Variants in CACNG3 observed in about 807,000 individuals in gnomAD.
The protein encoded by CACNG3 is voltage-dependent calcium channel gamma-3 subunit.
In CACNG3, 3 loss-of-function variants were observed where a neutral mutation model predicts 28.5. The observed-to-expected ratio is 0.11, with a 90% CI of 0.05 to 0.27. CACNG3 has a LOEUF of 0.27. Among genes scored for constraint, CACNG3 ranks in the 10% least tolerant of loss-of-function variants. The pLI is 1.00. For missense variants in CACNG3, 236 were observed against 414.4 expected (o/e 0.57, Z 3.74); for synonymous variants, 174 against 162.2 (o/e 1.07, Z -0.55).
intron 1 of CACNG3, among the ~76,000 whole-genome samples, chr16:24,323,237 AAAAGAGAGAGAGAG>A (rs959968642): frequency 7.0e-6 from 1 of 143,702 alleles, no homozygotes; most frequent in South Asian, 2.4e-4. Flanking sequence ...AAAAAAAAAA[AAAAGAGAGAGAGAG>A]AAAGAGAGAG....
intron 1 of CACNG3, among the ~76,000 whole-genome samples, chr16:24,316,059 G>A (rs1899347955): frequency 6.6e-6 from 1 of 152,082 alleles, no homozygotes; most frequent in Non-Finnish European, 1.5e-5. Context: ...CAGCAAATTA[G>A]TGAGCCCGTA....
At chr16:24,310,470 A>G (rs1032047480) in intron 1 of CACNG3, among the ~76,000 whole-genome samples, 2 of 152,160 alleles carry the variant, frequency 1.3e-5, no homozygotes, top group Non-Finnish European at 2.9e-5. Flanking sequence ...AGGCTGAGGC[A>G]GGAGAATCTC....
At chr16:24,343,217 C>G (rs1479041032) in intron 1 of CACNG3, among the ~76,000 whole-genome samples, 1 of 151,946 alleles carries the variant, frequency 6.6e-6, no homozygotes, top group Non-Finnish European at 1.5e-5. Flanking sequence ...AACAACAAAA[C>G]TAGTGACTGC....
intron 1 of CACNG3, among the ~76,000 whole-genome samples, chr16:24,260,845 A>C (rs1196287473): frequency 6.6e-6 from 1 of 152,230 alleles, no homozygotes; most frequent in African/African-American, 2.4e-5. Context: ...AAAGCACGGG[A>C]GGCATTCACA....
chr16:24,335,071 C>T (rs1406825012), intron 1 of CACNG3, among the ~76,000 whole-genome samples: 1 of 152,178 alleles, frequency 6.6e-6, no homozygotes, highest in Non-Finnish European at 1.5e-5. Flanking sequence ...TGCAAGAGCT[C>T]AGGGTCTAGG....
chr16:24,262,446 G>C (rs966026227), intron 1 of CACNG3, among the ~76,000 whole-genome samples: 2 of 152,178 alleles, frequency 1.3e-5, no homozygotes, highest in African/African-American at 2.4e-5. Flanking sequence ...GCGCCATACT[G>C]GTTGTTAAAA....
chr16:24,300,792 G>A (rs540769580), intron 1 of CACNG3, among the ~76,000 whole-genome samples: 5 of 152,144 alleles, frequency 3.3e-5, no homozygotes, highest in South Asian at 2.1e-4. Flanking sequence ...AGTGGACCAC[G>A]CCTGTAATCC....
At chr16:24,324,948 G>C (rs1218023618) in intron 1 of CACNG3, among the ~76,000 whole-genome samples, 4 of 152,088 alleles carry the variant, frequency 2.6e-5, no homozygotes, top group African/African-American at 9.7e-5. Flanking sequence ...ATCACCCTGG[G>C]TCACTCTGAG....
chr16:24,342,757 C>T (rs138757349), intron 1 of CACNG3, among the ~76,000 whole-genome samples: 3 of 152,232 alleles, frequency 2.0e-5, no homozygotes, highest in Non-Finnish European at 4.4e-5. Context: ...ACGCTGAAAT[C>T]TGAATTTCAC....
intron 1 of CACNG3, among the ~76,000 whole-genome samples, chr16:24,313,197 A>G (rs1299788511): frequency 1.3e-5 from 2 of 152,222 alleles, no homozygotes; most frequent in African/African-American, 4.8e-5. Context: ...TAGCTAGAAC[A>G]TATTCATTAA....
intron 1 of CACNG3, among the ~76,000 whole-genome samples, chr16:24,325,025 C>G (rs935716108): frequency 3.3e-5 from 5 of 152,200 alleles, no homozygotes; most frequent in African/African-American, 9.6e-5. Context: ...TTGTCCTCCC[C>G]ATCCCCTTTG....
intron 3 of CACNG3, among the ~76,000 whole-genome samples, chr16:24,357,667 C>T (rs895684896): frequency 8.5e-5 from 13 of 152,206 alleles, no homozygotes; most frequent in African/African-American, 3.1e-4. Flanking sequence ...CTCTACCTTG[C>T]TCTGTGTGGA....
In CACNG3 at chr16:24,328,466, C is replaced by G. The variant is rs140403784; in HGVS notation, c.212-18268C>G. 2.0e-5 allele frequency among the ~76,000 whole-genome samples: 3 copies of G among 150,488 alleles called. No individual in the cohort carries two copies. The East Asian group carries it at 5.8e-4, about 29-fold the overall frequency. ...AGAAGTTGCCCAAGATACCTGCAGACATATACAAAGGACAGTCTGATGTTC... is the reference window on the plus strand; with the variant it reads ...AGAAGTTGCCCAAGATACCTGCAGAGATATACAAAGGACAGTCTGATGTTC... On this transcript the variant is annotated intron_variant, in intron 1 of 3. Transcript: ENST00000005284.
chr16:24,345,625 G>C (rs192836590), intron 1 of CACNG3, among the ~76,000 whole-genome samples: 2 of 152,176 alleles, frequency 1.3e-5, no homozygotes, highest in East Asian at 3.8e-4. Flanking sequence ...TCTTGAACCC[G>C]GGAGGCAGAG....
At chr16:24,324,433 C>T (rs1899508800) in intron 1 of CACNG3, among the ~76,000 whole-genome samples, 1 of 152,282 alleles carries the variant, frequency 6.6e-6, no homozygotes, top group South Asian at 2.1e-4. Flanking sequence ...GCATAGACAT[C>T]ACTGGTGCCT....
chr16:24,266,092 C>T (rs1219268082), intron 1 of CACNG3, among the ~76,000 whole-genome samples: 1 of 152,178 alleles, frequency 6.6e-6, no homozygotes, highest in Non-Finnish European at 1.5e-5. Context: ...GTCTGATTTT[C>T]CCCCTCTCAT....
At chr16:24,336,525 T>C (rs1233611528) in intron 1 of CACNG3, among the ~76,000 whole-genome samples, 2 of 150,570 alleles carry the variant, frequency 1.3e-5, no homozygotes, top group Non-Finnish European at 3.0e-5. Flanking sequence ...TCTGCCTGCC[T>C]CAGCCTCCCA....
At chr16:24,282,424 G>T (rs7195260) in intron 1 of CACNG3, among the ~76,000 whole-genome samples, 4,848 of 150,016 alleles carry the variant, frequency 0.032, 284 homozygotes, top group African/African-American at 0.11. Context: ...TTTTTTAAAC[G>T]GAATCTTACA....
chr16:24,280,821 C>CAAAAAAA (rs71154295), intron 1 of CACNG3, among the ~76,000 whole-genome samples: 4,398 of 55,588 alleles, frequency 0.079, 743 homozygotes, highest in South Asian at 0.17. Context: ...GAGTTTGTCT[C>CAAAAAAA]AAAAAAAAAA....
Sources: allele counts gnomAD v4.1 joint callset (sites outside exome capture counted in the v4.1 genomes callset), GRCh38; gene constraint gnomAD v4.1.1; transcripts MANE v1.5; gene names NCBI Gene and HGNC (gene_info 2026-07-23, HGNC 2026-07-21).